The following TTC39C variants were observed in gnomAD, a reference collection of about 807,000 sequenced individuals.
TTC39C encodes the protein tetratricopeptide repeat protein 39C.
In TTC39C, 33 loss-of-function variants were observed where a neutral mutation model predicts 76.3. The ratio of observed to expected loss-of-function variants is 0.43; its 90% CI spans 0.33 to 0.58. The LOEUF is 0.58. Ranked by LOEUF, TTC39C falls within the 20% of genes least tolerant of loss-of-function variation. The pLI is 0.04. For missense variants in TTC39C, 595 were observed against 701.4 expected (o/e 0.85, Z 1.71); for synonymous variants, 254 against 260.6 (o/e 0.97, Z 0.24).
intron 1 of TTC39C, among the ~76,000 whole-genome samples, chr18:24,052,993 G>A (rs943693684): frequency 1.3e-5 from 2 of 152,160 alleles, no homozygotes; most frequent in African/African-American, 4.8e-5. Flanking sequence ...AATCTGATTT[G>A]TAGCAGGATT....
intron 1 of TTC39C, among the ~76,000 whole-genome samples, chr18:24,061,437 C>G (rs996420387): frequency 6.6e-6 from 1 of 151,838 alleles, no homozygotes; most frequent in African/African-American, 2.4e-5. Flanking sequence ...TCTTCCTCCC[C>G]GTCCATAGCA....
Position 24,125,559 on chromosome 18 carries a change from T to A in TTC39C, c.1420+9T>A, listed in dbSNP as rs200187856. On this transcript the variant is annotated intron_variant, in intron 10 of 13. Transcript: ENST00000317571. ...GCAGAGGATGAGTCAAGGTAAAAAATTTAAAAAAACCCAAAACTGTCTACT... is the reference window on the plus strand; with the variant it reads ...GCAGAGGATGAGTCAAGGTAAAAAAATTAAAAAAACCCAAAACTGTCTACT... The A allele has an allele frequency of 1.4e-5, 23 of 1,613,824 alleles. 1 individual carries two copies. In the African/African-American group the frequency reaches 2.5e-4, roughly 18 times the overall value.
At chr18:24,003,021 T>C (rs1182567196) in intron 1 of TTC39C, among the ~76,000 whole-genome samples, 1 of 152,226 alleles carries the variant, frequency 6.6e-6, no homozygotes, top group East Asian at 1.9e-4. Flanking sequence ...TCCCCTGTCC[T>C]AAGTTCTCGT....
intron 6 of TTC39C, among the ~76,000 whole-genome samples, chr18:24,097,997 A>C (rs372153406): frequency 6.6e-6 from 1 of 152,194 alleles, no homozygotes. Flanking sequence ...CACATTTTCT[A>C]TGACCATTTT....
chr18:24,125,865 A>G (rs1435647810), intron 10 of TTC39C, among the ~76,000 whole-genome samples: 1 of 152,136 alleles, frequency 6.6e-6, no homozygotes, highest in African/African-American at 2.4e-5. Flanking sequence ...ACTTTGTTTC[A>G]TTTAGGTGTG....
At chr18:24,096,236 A>G (rs542778935) in intron 6 of TTC39C, among the ~76,000 whole-genome samples, 1 of 152,342 alleles carries the variant, frequency 6.6e-6, no homozygotes, top group African/African-American at 2.4e-5. Flanking sequence ...ACACACCTTC[A>G]ATTTGTTAAA....
chr18:24,106,125 C>A (rs142547232), intron 6 of TTC39C, among the ~76,000 whole-genome samples: 2 of 152,260 alleles, frequency 1.3e-5, no homozygotes, highest in East Asian at 3.9e-4. Context: ...CCCTTATTTC[C>A]AAATAAGGTC....
intron 1 of TTC39C, among the ~76,000 whole-genome samples, chr18:24,021,946 AT>A (rs2083522653): frequency 6.6e-6 from 1 of 152,204 alleles, no homozygotes; most frequent in Admixed American, 6.5e-5. Context: ...TCAAGGAGGC[AT>A]TACTTCATAC....
chr18:24,031,776 G>T (rs1010074400), intron 1 of TTC39C, among the ~76,000 whole-genome samples: 2 of 152,138 alleles, frequency 1.3e-5, no homozygotes, highest in Admixed American at 1.3e-4. Context: ...AGCCTCTGTG[G>T]TGGGTTCAAA....
chr18:24,077,088 T>G (rs181341886), intron 4 of TTC39C: 1 of 152,340 alleles, frequency 6.6e-6, no homozygotes, highest in East Asian at 1.9e-4. Flanking sequence ...GGAGCAGGTG[T>G]TCACTCCTCT....
intron 3 of TTC39C, among the ~76,000 whole-genome samples, chr18:24,066,403 C>T (rs77798207): frequency 0.017 from 2,567 of 152,236 alleles, 34 homozygotes; most frequent in East Asian, 0.061. Context: ...GTGGGAAGGG[C>T]TGTTTTAATG....
At chr18:24,107,561 T>G (rs1749314484) in intron 6 of TTC39C, among the ~76,000 whole-genome samples, 1 of 152,168 alleles carries the variant, frequency 6.6e-6, no homozygotes, top group South Asian at 2.1e-4. Flanking sequence ...TATAAGGGGC[T>G]TCTCCCCTCC....
intron 1 of TTC39C, chr18:24,016,814 G>C: frequency 2.5e-6 from 1 of 398,348 alleles, no homozygotes; most frequent in East Asian, 3.6e-5. Context: ...TTTTGAAATG[G>C]GAACTGAAGA....
intron 6 of TTC39C, among the ~76,000 whole-genome samples, chr18:24,108,125 A>G (rs994204749): frequency 3.3e-5 from 5 of 152,220 alleles, no homozygotes; most frequent in African/African-American, 4.8e-5. Flanking sequence ...ACAAGGGACT[A>G]TTGTGTTCTG....
At chr18:23,994,912 AAT>A (rs1170982638) in intron 1 of TTC39C, among the ~76,000 whole-genome samples, 16 of 152,134 alleles carry the variant, frequency 1.1e-4, no homozygotes, top group African/African-American at 2.7e-4. Flanking sequence ...TTTAAAAAAA[AAT>A]AATAATAATT....
intron 4 of TTC39C, among the ~76,000 whole-genome samples, chr18:24,074,005 A>G (rs561736074): frequency 6.6e-6 from 1 of 152,304 alleles, no homozygotes; most frequent in African/African-American, 2.4e-5. Flanking sequence ...AGCATTTCCT[A>G]TGTGCCCACA....
Position 24,080,920 on chromosome 18 carries a change from A to C in TTC39C, c.796A>C (p.Met266Leu), listed in dbSNP as rs1303847338. Residue 266 changes from methionine (M) to leucine (L), a missense_variant, in exon 5 of 14, where the codon ATG (methionine) becomes CTG (leucine). Transcript: ENST00000317571. Reference protein sequence around the residue: ...SLMYASESKDMKAPLATLALL... With the variant: ...SLMYASESKDLKAPLATLALL... ...GATGTATGCAAGCGAAAGTAAGGACATGAAGGCCCCTTTAGCTACGTGAGT... is the reference window on the plus strand; with the variant it reads ...GATGTATGCAAGCGAAAGTAAGGACCTGAAGGCCCCTTTAGCTACGTGAGT... 1 of 1,613,240 alleles carries C rather than the reference A, an allele frequency of 6.2e-7. No homozygotes were observed. The highest frequency in any genetic ancestry group is 8.5e-7 in the Non-Finnish European group (1 of 1,179,616).
chr18:23,994,833 A>G (rs2083248479), intron 1 of TTC39C, among the ~76,000 whole-genome samples: 1 of 151,410 alleles, frequency 6.6e-6, no homozygotes, highest in Non-Finnish European at 1.5e-5. Context: ...TGATGCGTGA[A>G]CTCCACCCTC....
At chr18:24,115,144 C>T (rs1234154413) in intron 7 of TTC39C, 1 of 152,902 alleles carries the variant, frequency 6.5e-6, no homozygotes, top group African/African-American at 2.4e-5. Context: ...TGTGAAACCT[C>T]ATGCAGGGGG....
Sources: allele counts gnomAD v4.1 joint callset (sites outside exome capture counted in the v4.1 genomes callset), GRCh38; gene constraint gnomAD v4.1.1; transcripts MANE v1.5; gene names NCBI Gene and HGNC (gene_info 2026-07-23, HGNC 2026-07-21).